Variants in ARID4A observed in about 807,000 individuals in gnomAD.
ARID4A encodes the protein AT-rich interaction domain 4A, also known as AT-rich interactive domain-containing protein 4A.
ARID4A carries 39 observed loss-of-function variants against 148.6 expected under a neutral mutation model. That is an observed-to-expected ratio of 0.26 (90% confidence interval 0.20 to 0.34). The LOEUF is 0.34. ARID4A is among the 10% of genes least tolerant of loss of function. ARID4A has a pLI of 1.00. For missense variants in ARID4A, 1,265 were observed against 1,449.1 expected (o/e 0.87, Z 2.06); for synonymous variants, 475 against 481.2 (o/e 0.99, Z 0.17).
At chr14:58,301,506 C>T in intron 2 of ARID4A, 74 bp from the exon 3 acceptor site, 1 of 1,008,226 alleles carries the variant, frequency 9.9e-7, no homozygotes, top group Non-Finnish European at 1.5e-6. Flanking sequence ...TCAAACACAA[C>T]CTTTTAATGA....
rs184921741 is a variant in ARID4A at position 58,348,929 on chromosome 14, C to T, written c.1404+1051C>T. Among the ~76,000 whole-genome samples, 236 of 152,052 alleles carry T rather than the reference C, an allele frequency of 1.6e-3. 2 individuals are homozygous for T. The highest frequency in any genetic ancestry group is 5.2e-3 in the African/African-American group (216 of 41,472). On this transcript the variant is annotated intron_variant, in intron 15 of 23. Transcript: ENST00000355431. ...TCATTGGCATTAAGTACATTCTCAC[C>T]GTTGCATAAGTGTCACCACCGTCCA...
chr14:58,324,164 A>G (rs1212533638), intron 8 of ARID4A, among the ~76,000 whole-genome samples: 2 of 152,090 alleles, frequency 1.3e-5, no homozygotes, highest in Non-Finnish European at 2.9e-5. Context: ...TCGGCCTCCA[A>G]AGTTCTGAGA....
At position 58,329,389 on chromosome 14, in the gene ARID4A, G is replaced by A; in HGVS notation, c.663-139G>A. ...CCCGTATTTCCTCTTCTTACCTTTT[G>A]TTAAGGACTAAGATAAAAACATTTT... is the stretch of plus-strand genomic sequence containing the variant. On this transcript the variant is annotated intron_variant, in intron 9 of 23. Transcript: ENST00000355431. The A allele has an allele frequency of 9.7e-6, 6 of 617,680 alleles. No individual in the cohort carries two copies. In the South Asian group the frequency reaches 1.3e-4, roughly 13 times the overall value. The allele number at this position is 617,680 out of a possible 1,614,324, so 38.3% of individuals were successfully genotyped here.
intron 13 of ARID4A, 61 bp downstream of exon 13, chr14:58,346,566 T>A: frequency 9.3e-7 from 1 of 1,071,212 alleles, no homozygotes; most frequent in Non-Finnish European, 1.4e-6. Context: ...AGTTATCTTA[T>A]ATTGCATTAT....
chr14:58,362,037 T>C lies in ARID4A; in HGVS notation c.2080+995T>C, dbSNP rs1054349986. ...TCTCATAAGTATCTTGAAAATAATA[T>C]ATTTTAATAGAAGGTGAATTGACAA... On this transcript the variant is annotated intron_variant, in intron 19 of 23. Coordinates refer to ENST00000355431, the MANE Select transcript of ARID4A (RefSeq NM_002892.4). Among the ~76,000 whole-genome samples, 6 of 152,212 alleles carry C rather than the reference T, an allele frequency of 3.9e-5. No homozygotes were observed. The East Asian group carries it at 9.6e-4, about 24-fold the overall frequency.
intron 7 of ARID4A, among the ~76,000 whole-genome samples, chr14:58,323,021 A>C (rs973581643): frequency 6.9e-6 from 1 of 145,658 alleles, no homozygotes; most frequent in Non-Finnish European, 1.5e-5. Context: ...AATTTGTTGA[A>C]ACTTAAGGGT....
chr14:58,307,839 G>A (rs1320858543), intron 5 of ARID4A, among the ~76,000 whole-genome samples: 2 of 152,056 alleles, frequency 1.3e-5, no homozygotes, highest in Non-Finnish European at 2.9e-5. Flanking sequence ...TAAAAACTAA[G>A]CTTAATGTTA....
At chr14:58,321,959 T>C (rs576566702) in intron 7 of ARID4A, among the ~76,000 whole-genome samples, 1 of 151,324 alleles carries the variant, frequency 6.6e-6, no homozygotes, top group Non-Finnish European at 1.5e-5. Flanking sequence ...TGTTGTTGTT[T>C]TTTTTGGTTT....
chr14:58,306,158 T>C, intron 5 of ARID4A, 46 bp downstream of exon 5: 1 of 1,363,246 alleles, frequency 7.3e-7, no homozygotes, highest in South Asian at 1.2e-5. Context: ...GGAGGTTGCA[T>C]GTATCTGTGT....
At chr14:58,304,228 G>A (rs1367426629) in intron 3 of ARID4A, among the ~76,000 whole-genome samples, 1 of 152,074 alleles carries the variant, frequency 6.6e-6, no homozygotes, top group African/African-American at 2.4e-5. Context: ...TTCATACAGT[G>A]TTTTTATCAT....
At chr14:58,349,366 G>T (rs1407659462) in intron 15 of ARID4A, among the ~76,000 whole-genome samples, 1 of 151,958 alleles carries the variant, frequency 6.6e-6, no homozygotes, top group Non-Finnish European at 1.5e-5. Flanking sequence ...AAAAAGTGCT[G>T]CCGGGCGCGG....
At chr14:58,370,636 G>A (rs1469237716) in intron 23 of ARID4A, among the ~76,000 whole-genome samples, 3 of 150,424 alleles carry the variant, frequency 2.0e-5, no homozygotes, top group Admixed American at 1.3e-4. Context: ...GTTGTTGGGG[G>A]GTACAGGCTC....
intron 14 of ARID4A, 102 bp from the exon 15 acceptor site, chr14:58,347,545 T>C (rs1182222123): frequency 1.1e-6 from 1 of 929,492 alleles, no homozygotes; most frequent in Non-Finnish European, 1.5e-6. Flanking sequence ...AAAAATTTTT[T>C]TAAATTACTG....
At chr14:58,360,126 A>C (rs1194320385) in intron 18 of ARID4A, among the ~76,000 whole-genome samples, 2 of 152,152 alleles carry the variant, frequency 1.3e-5, no homozygotes, top group Non-Finnish European at 2.9e-5. Flanking sequence ...TTTATAACCC[A>C]GGAGCTTAAA....
At chr14:58,347,230 TA>T in intron 14 of ARID4A, 113 bp downstream of exon 14, 3 of 559,192 alleles carry the variant, frequency 5.4e-6, no homozygotes, top group Non-Finnish European at 8.5e-6. Flanking sequence ...AGAAAGTATA[TA>T]AAAAGGTTTA....
intron 5 of ARID4A, among the ~76,000 whole-genome samples, chr14:58,318,165 T>A (rs534222146): frequency 6.6e-6 from 1 of 152,278 alleles, no homozygotes; most frequent in South Asian, 2.1e-4. Context: ...TACTCTAATA[T>A]TAAACTTTTG....
At chr14:58,336,011 GTTGT>G (rs758418831) in intron 11 of ARID4A, among the ~76,000 whole-genome samples, 2 of 150,136 alleles carry the variant, frequency 1.3e-5, no homozygotes, top group Non-Finnish European at 3.0e-5. Context: ...ATCTACAGTA[GTTGT>G]TTGTTTTTTT....
chr14:58,345,311 T>A (rs1359415569), intron 12 of ARID4A, among the ~76,000 whole-genome samples: 1 of 152,228 alleles, frequency 6.6e-6, no homozygotes, highest in Non-Finnish European at 1.5e-5. Flanking sequence ...GTTTTCCCTG[T>A]CACTTACAAA....
intron 17 of ARID4A, among the ~76,000 whole-genome samples, chr14:58,356,331 C>G (rs1041289615): frequency 6.6e-6 from 1 of 152,150 alleles, no homozygotes; most frequent in Non-Finnish European, 1.5e-5. Flanking sequence ...ATTGCACTTA[C>G]CAGACTATAC....
Sources: allele counts gnomAD v4.1 joint callset (sites outside exome capture counted in the v4.1 genomes callset), GRCh38; gene constraint gnomAD v4.1.1; transcripts MANE v1.5; gene names NCBI Gene and HGNC (gene_info 2026-07-23, HGNC 2026-07-21).